PPP2R3C: variants seen among roughly 807,000 people sequenced by gnomAD.
PPP2R3C encodes the protein protein phosphatase 2 regulatory subunit B''gamma.
Under a neutral mutation model 63.7 loss-of-function variants are expected in PPP2R3C, and 47 were observed. The ratio of observed to expected loss-of-function variants is 0.74; its 90% CI spans 0.58 to 0.94. The LOEUF is 0.94. Among genes scored for constraint, PPP2R3C ranks in the 40% least tolerant of loss-of-function variants. PPP2R3C has a pLI of 0.00. For missense variants in PPP2R3C, 421 were observed against 518.4 expected (o/e 0.81, Z 1.82); for synonymous variants, 180 against 177.4 (o/e 1.01, Z -0.12).
At position 35,085,558 on chromosome 14, in the gene PPP2R3C, T is replaced by G. The variant is rs1365505171; in HGVS notation, c.*32A>C. 2.0e-6 allele frequency: 3 copies of G among 1,530,736 alleles called. No homozygotes were observed. The highest frequency in any genetic ancestry group is 2.6e-6 in the Non-Finnish European group (3 of 1,135,960). 94.8% of individuals were successfully genotyped at this position (1,530,736 alleles called of 1,614,324 possible). A position where few individuals can be genotyped will look rare whatever the true frequency, so the allele number is the denominator to read the frequency against. On this transcript the variant is annotated 3_prime_UTR_variant, in exon 13 of 13. Transcript: ENST00000261475. ...GCTTTACATGCAGCATTCAAGTATC[T>G]CATAATATAAGACAGTCTAGTCTTT...
chr14:35,112,409 A>G (rs900803741), intron 2 of PPP2R3C, among the ~76,000 whole-genome samples: 3 of 152,144 alleles, frequency 2.0e-5, no homozygotes, highest in African/African-American at 7.2e-5. Context: ...AGCCAGAATA[A>G]TTTACTTTAA....
intron 3 of PPP2R3C, 38 bp from the exon 4 acceptor site, chr14:35,109,969 A>C (rs747453445): frequency 7.0e-7 from 1 of 1,437,596 alleles, no homozygotes; most frequent in Admixed American, 2.0e-5. Context: ...TTGTAAGTTA[A>C]AAACAACAAG....
At chr14:35,120,893 A>T (rs964194877) in intron 1 of PPP2R3C, among the ~76,000 whole-genome samples, 2 of 151,974 alleles carry the variant, frequency 1.3e-5, no homozygotes, top group African/African-American at 4.8e-5. Context: ...TTGCAGCAAT[A>T]CTTCACTGCG....
At chr14:35,095,296 T>C (rs2045956452) in intron 9 of PPP2R3C, 112 bp from the exon 10 acceptor site, 1 of 1,084,990 alleles carries the variant, frequency 9.2e-7, no homozygotes, top group Non-Finnish European at 1.3e-6. Context: ...AAACTATTCA[T>C]GTTATGATTA....
chr14:35,116,711 C>T lies in PPP2R3C; in HGVS notation c.85G>A (p.Asp29Asn). 6.3e-7 allele frequency: 1 copy of T among 1,591,316 alleles called. No individual in the cohort carries two copies. The highest frequency in any genetic ancestry group is 8.6e-7 in the Non-Finnish European group (1 of 1,168,316). The change falls in exon 2 of 13, where the codon GAT becomes AAT. Residue 29 changes from aspartate to asparagine, a missense_variant. Coordinates refer to ENST00000261475, the MANE Select transcript of PPP2R3C (RefSeq NM_017917.4). ...TTTGTAAATAAATCCATTTCTTCAT[C>T]TTTTAATTCTTGTTCACTTTTTTTT... ...NKKKSEQELK[D>N]EEMDLFTKYY...
intron 4 of PPP2R3C, 24 bp downstream of exon 4, chr14:35,109,794 CT>C: frequency 4.0e-6 from 6 of 1,510,362 alleles, no homozygotes; most frequent in Non-Finnish European, 5.5e-6. Context: ...ATAACACATT[CT>C]TTTGTTAATT....
Position 35,091,226 on chromosome 14 carries a change from T to C in PPP2R3C, c.976-19A>G. ...TATAGTCCTACAGAACAGAAAATAA[T>C]GTTCATTAGAGGCCTTAGTTGAAAT... is the stretch of plus-strand genomic sequence containing the variant. On this transcript the variant is annotated intron_variant, in intron 10 of 12. Transcript: ENST00000261475. The C allele has an allele frequency of 6.3e-7, 1 of 1,583,390 alleles. No individual in the cohort carries two copies. Among genetic ancestry groups the C allele is most frequent in the South Asian group, 1.2e-5 (1 of 86,216 alleles).
At chr14:35,088,049 AATACACAAC>A (rs746154742) in intron 11 of PPP2R3C, 39 bp from the exon 12 acceptor site, 27 of 1,404,564 alleles carry the variant, frequency 1.9e-5, no homozygotes, top group Non-Finnish European at 2.2e-5. Context: ...TAAAAAATGA[AATACACAAC>A]ATCCCTCTTT....
chr14:35,087,950 C>A lies in PPP2R3C; in HGVS notation c.1173+1G>T, dbSNP rs961808360. The A allele has an allele frequency of 5.0e-6, 8 of 1,588,542 alleles. No homozygotes were observed. The highest frequency in any genetic ancestry group is 4.0e-5 in the African/African-American group (3 of 74,270). ...ATACGTAAATTAAAGGAAAAGATAA[C>A]CTTGACATCTTGAAATGAAACAGGA... On this transcript the variant is annotated splice_donor_variant, in intron 12 of 12. Transcript: ENST00000261475. LOFTEE classifies it high-confidence loss of function.
In PPP2R3C at chr14:35,096,809, G is replaced by T. The variant is rs372114697; in HGVS notation, c.707-45C>A. On this transcript the variant is annotated intron_variant, in intron 7 of 12. Coordinates refer to ENST00000261475, the MANE Select transcript of PPP2R3C (RefSeq NM_017917.4). ...CACAATTAATTTCATTTTAAGAAAA[G>T]AGCAACTCAATTAATTAAAAAAAAA... is the stretch of plus-strand genomic sequence containing the variant. The T allele has an allele frequency of 1.5e-5, 22 of 1,498,768 alleles. 1 individual carries two copies. The Admixed American group carries it at 3.0e-4, about 20-fold the overall frequency. The allele number at this position is 1,498,768 out of a possible 1,614,324, so 92.8% of individuals were successfully genotyped here. A position where few individuals can be genotyped will look rare whatever the true frequency, so the allele number is the denominator to read the frequency against.
chr14:35,122,293 C>A, upstream of PPP2R3C: 2 of 322,022 alleles, frequency 6.2e-6, no homozygotes, highest in South Asian at 3.9e-5. Context: ...GTGCGCACCA[C>A]GTGACCCAGG....
intron 1 of PPP2R3C, among the ~76,000 whole-genome samples, chr14:35,121,382 CA>C (rs201957173): frequency 1.4e-5 from 2 of 146,924 alleles, no homozygotes; most frequent in Admixed American, 6.8e-5. Flanking sequence ...GACTCCGTCT[CA>C]AAAAAAAAAG....
intron 10 of PPP2R3C, among the ~76,000 whole-genome samples, chr14:35,093,873 C>A (rs8005406): frequency 0.36 from 54,548 of 151,912 alleles, 9,899 homozygotes; most frequent in South Asian, 0.46. Context: ...GGATGGTCTC[C>A]ATCTCCTGAC....
chr14:35,102,978 T>G (rs2046246235), intron 6 of PPP2R3C, among the ~76,000 whole-genome samples: 1 of 152,180 alleles, frequency 6.6e-6, no homozygotes, highest in South Asian at 2.1e-4. Context: ...CAGGCTGGTC[T>G]TGAACTCCCG....
chr14:35,108,327 C>A, intron 4 of PPP2R3C, 91 bp from the exon 5 acceptor site: 3 of 1,397,914 alleles, frequency 2.1e-6, no homozygotes, highest in South Asian at 3.0e-5. Flanking sequence ...TAAATTCATA[C>A]AATTAAAAAT....
At chr14:35,097,878 C>T (rs2046050276) in intron 7 of PPP2R3C, among the ~76,000 whole-genome samples, 1 of 152,092 alleles carries the variant, frequency 6.6e-6, no homozygotes, top group Admixed American at 6.6e-5. Context: ...TCCCAAAGTG[C>T]TGGGATTACA....
intron 6 of PPP2R3C, 35 bp from the exon 7 acceptor site, chr14:35,099,419 A>C (rs2046112810): frequency 6.4e-7 from 1 of 1,569,944 alleles, no homozygotes; most frequent in Admixed American, 2.2e-5. Context: ...TTAAATGTCC[A>C]GTCTTGATTC....
At chr14:35,118,741 C>T (rs896924198) in intron 1 of PPP2R3C, among the ~76,000 whole-genome samples, 1 of 148,634 alleles carries the variant, frequency 6.7e-6, no homozygotes, top group African/African-American at 2.5e-5. Context: ...GCAAACTTCA[C>T]CTCCTGGGTT....
intron 3 of PPP2R3C, chr14:35,110,274 A>T (rs2046507612): frequency 2.2e-6 from 1 of 458,212 alleles, no homozygotes; most frequent in African/African-American, 2.0e-5. Flanking sequence ...ACCCTACAGC[A>T]GTGGTTCTCA....
Sources: gnomAD v4.1 joint callset for allele counts (sites outside exome capture counted in the v4.1 genomes callset) on GRCh38, gnomAD v4.1.1 for gene constraint, MANE v1.5 for transcripts, NCBI Gene and HGNC (gene_info 2026-07-23, HGNC 2026-07-21) for gene names.